The following SGCZ variants were observed in gnomAD, a reference collection of about 807,000 sequenced individuals.
The protein encoded by SGCZ is zeta-sarcoglycan.
SGCZ carries 40 observed loss-of-function variants against 41.3 expected under a neutral mutation model. That is an observed-to-expected ratio of 0.97 (90% CI 0.75 to 1.26). The LOEUF is 1.26. Ranked by LOEUF, SGCZ falls within the 50% of genes most tolerant of loss-of-function variation. The probability of loss-of-function intolerance (pLI) is 0.00; values close to 1 mark genes in which losing one functional copy is unlikely to be tolerated. For missense variants in SGCZ, 552 were observed against 369.8 expected, an observed-to-expected ratio of 1.49 and a Z score of -4.04; for synonymous variants, 206 against 137.5, an observed-to-expected ratio of 1.50 and a Z score of -3.49.
At chr8:15,005,124 G>A (rs370849637) in intron 1 of SGCZ, among the ~76,000 whole-genome samples, 1 of 152,122 alleles carries the variant, frequency 6.6e-6, no homozygotes, top group Non-Finnish European at 1.5e-5. Flanking sequence ...CGGCTAGTAA[G>A]TTACTCATGG....
intron 1 of SGCZ, among the ~76,000 whole-genome samples, chr8:15,077,959 G>T (rs1585539378): frequency 1.3e-5 from 2 of 152,024 alleles, no homozygotes; most frequent in East Asian, 3.9e-4. Context: ...TTTTTGTGTG[G>T]ATAAGGAACC....
At chr8:14,628,532 T>C (rs1183512930) in intron 1 of SGCZ, among the ~76,000 whole-genome samples, 2 of 152,008 alleles carry the variant, frequency 1.3e-5, no homozygotes, top group Non-Finnish European at 2.9e-5. Context: ...TACCCTCAAG[T>C]CCTCAAATAT....
At chr8:14,672,820 A>G (rs1808147359) in intron 1 of SGCZ, among the ~76,000 whole-genome samples, 2 of 152,140 alleles carry the variant, frequency 1.3e-5, no homozygotes, top group African/African-American at 2.4e-5. Context: ...CTCATAGAGT[A>G]TGAATAAATG....
intron 1 of SGCZ, among the ~76,000 whole-genome samples, chr8:14,726,013 C>G (rs1472938940): frequency 6.6e-6 from 1 of 151,884 alleles, no homozygotes; most frequent in African/African-American, 2.4e-5. Flanking sequence ...AATCCCAGCA[C>G]TTTGGGAGAC....
intron 2 of SGCZ, among the ~76,000 whole-genome samples, chr8:14,457,903 C>G (rs1020941135): frequency 6.6e-6 from 1 of 152,116 alleles, no homozygotes; most frequent in African/African-American, 2.4e-5. Context: ...TAGTGGTCCC[C>G]GGGGCCCAGC....
Position 14,471,193 on chromosome 8 carries a change from T to C in SGCZ, c.234+83539A>G, listed in dbSNP as rs559211155. ...CTAAAGCATGGCAATTTAATATTTGTCAAAACTACTAAATGGTTCAGAATA... is the reference window on the plus strand; with the variant it reads ...CTAAAGCATGGCAATTTAATATTTGCCAAAACTACTAAATGGTTCAGAATA... On this transcript the variant is annotated intron_variant, in intron 2 of 7. Transcript: ENST00000382080. Among the ~76,000 whole-genome samples the C allele has an allele frequency of 3.3e-5, 5 of 152,292 alleles. No homozygotes were observed. The East Asian group carries it at 9.7e-4, about 29-fold the overall frequency.
At chr8:14,429,801 AGTG>A (rs1046925513) in intron 2 of SGCZ, among the ~76,000 whole-genome samples, 2 of 151,026 alleles carry the variant, frequency 1.3e-5, no homozygotes. Context: ...TTTTTTTTTT[AGTG>A]GTAATTTATT....
intron 1 of SGCZ, among the ~76,000 whole-genome samples, chr8:14,987,560 T>G (rs1801865057): frequency 6.6e-6 from 1 of 151,966 alleles, no homozygotes; most frequent in Non-Finnish European, 1.5e-5. Flanking sequence ...ATCCCACTAG[T>G]AACTTTTCTT....
At chr8:14,844,383 T>G (rs193088280) in intron 1 of SGCZ, among the ~76,000 whole-genome samples, 1 of 152,326 alleles carries the variant, frequency 6.6e-6, no homozygotes, top group Non-Finnish European at 1.5e-5. Flanking sequence ...CCTACTGCCA[T>G]GTGCTTTGCC....
chr8:14,702,813 G>GTAGGTAGA (rs1240072459), intron 1 of SGCZ, among the ~76,000 whole-genome samples: 10 of 115,392 alleles, frequency 8.7e-5, no homozygotes, highest in South Asian at 3.3e-4. Context: ...AGGTAGTTAG[G>GTAGGTAGA]TAGATAGATA....
At chr8:14,657,173 A>G (rs989481264) in intron 1 of SGCZ, among the ~76,000 whole-genome samples, 1 of 152,030 alleles carries the variant, frequency 6.6e-6, no homozygotes, top group Non-Finnish European at 1.5e-5. Flanking sequence ...AGTCTTCCTC[A>G]GCAGTCTAAT....
chr8:15,186,657 A>C (rs1800355225), intron 1 of SGCZ, among the ~76,000 whole-genome samples: 1 of 152,196 alleles, frequency 6.6e-6, no homozygotes, highest in Admixed American at 6.5e-5. Context: ...TGTACTTCAC[A>C]AAGTTGCAGA....
intron 1 of SGCZ, among the ~76,000 whole-genome samples, chr8:14,651,718 C>G (rs1807406361): frequency 6.6e-6 from 1 of 151,882 alleles, no homozygotes; most frequent in Admixed American, 6.6e-5. Context: ...TGTCTTTAGC[C>G]TCTCATCTTG....
At chr8:14,301,731 C>T (rs890097010) in intron 3 of SGCZ, among the ~76,000 whole-genome samples, 5 of 152,112 alleles carry the variant, frequency 3.3e-5, no homozygotes, top group African/African-American at 1.2e-4. Flanking sequence ...AGAAGAATAA[C>T]TTGCAATTTT....
intron 1 of SGCZ, among the ~76,000 whole-genome samples, chr8:14,755,560 T>C (rs1287526603): frequency 6.6e-6 from 1 of 152,196 alleles, no homozygotes; most frequent in Non-Finnish European, 1.5e-5. Flanking sequence ...AAACCCTCAA[T>C]TTCTGTGAGT....
At chr8:14,925,448 A>G (rs1239675145) in intron 1 of SGCZ, among the ~76,000 whole-genome samples, 4 of 152,228 alleles carry the variant, frequency 2.6e-5, no homozygotes, top group African/African-American at 7.2e-5. Context: ...TAAGAATGAA[A>G]ATGTCCAGGA....
At chr8:14,270,676 T>C (rs1800028115) in intron 3 of SGCZ, among the ~76,000 whole-genome samples, 1 of 152,140 alleles carries the variant, frequency 6.6e-6, no homozygotes. Context: ...TACCACACTT[T>C]CATAAGAAAT....
At chr8:14,193,797 T>G (rs542812407) in intron 4 of SGCZ, among the ~76,000 whole-genome samples, 1 of 152,020 alleles carries the variant, frequency 6.6e-6, no homozygotes, top group East Asian at 1.9e-4. Context: ...TGTATTTGTT[T>G]TGTATTTGCA....
At chr8:14,377,760 A>G (rs545169807) in intron 2 of SGCZ, among the ~76,000 whole-genome samples, 18 of 150,022 alleles carry the variant, frequency 1.2e-4, no homozygotes, top group Non-Finnish European at 2.5e-4. Flanking sequence ...ATTCCCACCT[A>G]TGAGTGAGAA....
Sources: gnomAD v4.1 joint callset for allele counts (sites outside exome capture counted in the v4.1 genomes callset) on GRCh38, gnomAD v4.1.1 for gene constraint, MANE v1.5 for transcripts, NCBI Gene and HGNC (gene_info 2026-07-23, HGNC 2026-07-21) for gene names.